Variants in SMARCC1 observed in about 807,000 individuals in gnomAD.
SMARCC1 encodes SWI/SNF related BAF chromatin remodeling complex subunit C1.
Under a neutral mutation model 147.4 loss-of-function variants are expected in SMARCC1, and 43 were observed. The ratio of observed to expected loss-of-function variants is 0.29; its 90% CI spans 0.23 to 0.38. The LOEUF is 0.38. Ranked by LOEUF, SMARCC1 falls within the 10% of genes least tolerant of loss-of-function variation. The probability of loss-of-function intolerance (pLI) is 1.00; values close to 1 mark genes in which losing one functional copy is unlikely to be tolerated. For missense variants in SMARCC1, 1,119 were observed against 1,381.1 expected, an observed-to-expected ratio of 0.81 and a Z score of 3.01; for synonymous variants, 495 against 484.4, an observed-to-expected ratio of 1.02 and a Z score of -0.29.
intron 5 of SMARCC1, among the ~76,000 whole-genome samples, chr3:47,735,730 G>T (rs2034434155): frequency 1.3e-5 from 2 of 152,080 alleles, no homozygotes; most frequent in South Asian, 2.1e-4. Flanking sequence ...CTCTAGCCTG[G>T]GCGACAGCGC....
intron 16 of SMARCC1, among the ~76,000 whole-genome samples, chr3:47,677,611 G>C (rs913719967): frequency 1.3e-4 from 20 of 151,260 alleles, no homozygotes; most frequent in African/African-American, 4.9e-4. Flanking sequence ...GAATGCAGTG[G>C]GACGATCTCA....
intron 6 of SMARCC1, among the ~76,000 whole-genome samples, chr3:47,721,101 C>G (rs2034227979): frequency 1.3e-5 from 2 of 152,286 alleles, no homozygotes; most frequent in South Asian, 4.1e-4. Flanking sequence ...AACCTCTCAT[C>G]CCTCTTTCTG....
At chr3:47,683,460 C>T (rs1037419732) in intron 14 of SMARCC1, among the ~76,000 whole-genome samples, 1 of 152,122 alleles carries the variant, frequency 6.6e-6, no homozygotes, top group Non-Finnish European at 1.5e-5. Flanking sequence ...TTTAAATTGT[C>T]TCCAAAAAGA....
chr3:47,683,742 A>G (rs2033683935), intron 14 of SMARCC1, among the ~76,000 whole-genome samples: 1 of 151,938 alleles, frequency 6.6e-6, no homozygotes, highest in Non-Finnish European at 1.5e-5. Context: ...AGAAACAAAA[A>G]AACCCAAGAT....
At chr3:47,733,235 A>T (rs2034397751) in intron 5 of SMARCC1, among the ~76,000 whole-genome samples, 1 of 152,226 alleles carries the variant, frequency 6.6e-6, no homozygotes. Flanking sequence ...CTTGCTTGAC[A>T]CAGTTTCCAC....
chr3:47,710,826 C>A lies in SMARCC1; in HGVS notation c.793-18G>T. 1 of 1,587,524 alleles carries A rather than the reference C, an allele frequency of 6.3e-7. No homozygotes were observed. Among genetic ancestry groups the A allele is most frequent in the Non-Finnish European group, 8.6e-7 (1 of 1,168,206 alleles). On this transcript the variant is annotated intron_variant, in intron 8 of 27. Transcript: ENST00000254480. ...ACATGAACCTAAAACCATATCAAAG[C>A]ATCAATATCTACATAAATAACAAAA... is the stretch of plus-strand genomic sequence containing the variant.
intron 2 of SMARCC1, among the ~76,000 whole-genome samples, chr3:47,749,712 A>AAC (rs1201169683): frequency 1.2e-4 from 5 of 41,450 alleles, no homozygotes; most frequent in South Asian, 8.2e-4. Flanking sequence ...CTCTAAATTA[A>AAC]ACACACACAC....
At chr3:47,615,519 C>T (rs2032628387) in intron 25 of SMARCC1, among the ~76,000 whole-genome samples, 1 of 152,140 alleles carries the variant, frequency 6.6e-6, no homozygotes, top group Non-Finnish European at 1.5e-5. Flanking sequence ...CATGACCTCC[C>T]CTTTCTCTGA....
chr3:47,669,344 A>G (rs1255326957), intron 19 of SMARCC1, among the ~76,000 whole-genome samples: 1 of 152,192 alleles, frequency 6.6e-6, no homozygotes, highest in African/African-American at 2.4e-5. Flanking sequence ...AAAAAGAACA[A>G]CTGTTGCTCC....
rs566524960 is a variant in SMARCC1 at position 47,695,368 on chromosome 3, C to T, written c.1166-2068G>A. 6.6e-5 allele frequency among the ~76,000 whole-genome samples: 10 copies of T among 152,236 alleles called. No homozygotes were observed. In the South Asian group the frequency reaches 8.3e-4, roughly 13 times the overall value. Reference sequence around the variant, plus strand: ...TAATTTAATGTTATGTGAAGTATATCTCAATTAAAACAATGCTATATTATG... The same window carrying T: ...TAATTTAATGTTATGTGAAGTATATTTCAATTAAAACAATGCTATATTATG... On this transcript the variant is annotated intron_variant, in intron 11 of 27. Transcript: ENST00000254480.
At chr3:47,661,224 A>G in intron 21 of SMARCC1, 70 bp downstream of exon 21, 1 of 1,368,506 alleles carries the variant, frequency 7.3e-7, no homozygotes, top group South Asian at 1.4e-5. Flanking sequence ...AGTAAACCCA[A>G]TTATTTGAGT....
At chr3:47,674,848 T>C (rs1036666530) in intron 18 of SMARCC1, among the ~76,000 whole-genome samples, 3 of 152,212 alleles carry the variant, frequency 2.0e-5, no homozygotes, top group African/African-American at 7.2e-5. Flanking sequence ...CATTCTCTTA[T>C]GGGTTTCTAA....
At chr3:47,685,089 G>A (rs772574661) in intron 14 of SMARCC1, among the ~76,000 whole-genome samples, 5 of 152,092 alleles carry the variant, frequency 3.3e-5, no homozygotes, top group Non-Finnish European at 4.4e-5. Context: ...TCACTTTGGC[G>A]TATCCGAACT....
rs563299151 is a variant in SMARCC1, at chr3:47,730,951, C to T, written c.577-1857G>A. 1.1e-4 allele frequency among the ~76,000 whole-genome samples: 17 copies of T among 151,658 alleles called. 1 individual carries two copies. The South Asian group carries it at 3.3e-3, about 30-fold the overall frequency. On this transcript the variant is annotated intron_variant, in intron 5 of 27. Coordinates refer to ENST00000254480, the MANE Select transcript of SMARCC1 (RefSeq NM_003074.4). ...GCTGGAGGACACTGCCTCAATGATGCTGGCAGCTGACTGATCAAGGTGGTG... is the reference window on the plus strand; with the variant it reads ...GCTGGAGGACACTGCCTCAATGATGTTGGCAGCTGACTGATCAAGGTGGTG...
intron 6 of SMARCC1, among the ~76,000 whole-genome samples, chr3:47,728,676 G>A (rs2034330584): frequency 6.6e-6 from 1 of 152,126 alleles, no homozygotes; most frequent in African/African-American, 2.4e-5. Flanking sequence ...GGAGGCCAAG[G>A]TGGGCAGATC....
intron 10 of SMARCC1, among the ~76,000 whole-genome samples, chr3:47,702,545 C>T (rs574013954): frequency 6.6e-6 from 1 of 152,244 alleles, no homozygotes; most frequent in African/African-American, 2.4e-5. Context: ...TGCTCGAGGC[C>T]AGGAGTTCGA....
chr3:47,688,153 CG>C (rs2033750807), intron 13 of SMARCC1, among the ~76,000 whole-genome samples: 1 of 151,788 alleles, frequency 6.6e-6, no homozygotes, highest in African/African-American at 2.4e-5. Context: ...CCAGCTACTC[CG>C]GAGGCTGAGG....
At chr3:47,651,630 C>T (rs1283731413) in intron 21 of SMARCC1, among the ~76,000 whole-genome samples, 1 of 152,204 alleles carries the variant, frequency 6.6e-6, no homozygotes, top group African/African-American at 2.4e-5. Context: ...ATGAGACTTT[C>T]CCTGATCATT....
At chr3:47,731,877 T>C (rs775734837) in intron 5 of SMARCC1, among the ~76,000 whole-genome samples, 1 of 152,228 alleles carries the variant, frequency 6.6e-6, no homozygotes, top group African/African-American at 2.4e-5. Flanking sequence ...TAGGGCCTTA[T>C]GACTGTCAGA....
Sources: allele counts gnomAD v4.1 joint callset (sites outside exome capture counted in the v4.1 genomes callset), GRCh38; gene constraint gnomAD v4.1.1; transcripts MANE v1.5; gene names NCBI Gene and HGNC (gene_info 2026-07-23, HGNC 2026-07-21).